The following EVI5 variants were observed in gnomAD, a reference collection of about 807,000 sequenced individuals.
EVI5 encodes the protein ecotropic viral integration site 5 protein homolog.
In EVI5, 73 loss-of-function variants were observed where a neutral mutation model predicts 112.0. That is an observed-to-expected ratio of 0.65 (90% CI 0.54 to 0.79). The LOEUF is 0.79. Among genes scored for constraint, EVI5 ranks in the 30% least tolerant of loss-of-function variants. The pLI is 0.00. For missense variants in EVI5, 900 were observed against 968.8 expected, an observed-to-expected ratio of 0.93 and a Z score of 0.94; for synonymous variants, 305 against 319.9, an observed-to-expected ratio of 0.95 and a Z score of 0.50.
At chr1:92,521,107 G>A (rs577639260) in intron 19 of EVI5, among the ~76,000 whole-genome samples, 26 of 151,746 alleles carry the variant, frequency 1.7e-4, no homozygotes, top group Non-Finnish European at 3.5e-4. Context: ...GACTACAGGC[G>A]TGGGCCACCA....
chr1:92,736,520 A>G lies in EVI5; in HGVS notation c.27T>C (p.Ser9=), dbSNP rs758568701. Residue 9 remains serine, a synonymous_variant, in exon 2 of 20, where the codon TCT becomes TCC. Coordinates refer to ENST00000684568, the MANE Select transcript of EVI5 (RefSeq NM_001350197.2). ...ATGAGGATGTGGTATGTAATGAAGTAGATGGACTTGCCACCTGACTGGCCA... is the reference window on the plus strand; with the variant it reads ...ATGAGGATGTGGTATGTAATGAAGTGGATGGACTTGCCACCTGACTGGCCA... MASQVASP[S]TSLHTTSSST... The G allele has an allele frequency of 1.2e-6, 2 of 1,613,918 alleles. No individual in the cohort carries two copies. Among genetic ancestry groups the G allele is most frequent in the Non-Finnish European group, 1.7e-6 (2 of 1,179,792 alleles).
At chr1:92,758,107 C>T (rs146271909) in intron 1 of EVI5, among the ~76,000 whole-genome samples, 17 of 152,060 alleles carry the variant, frequency 1.1e-4, no homozygotes, top group Admixed American at 1.1e-3. Context: ...GATATACATA[C>T]AATATAATAC....
chr1:92,774,936 G>A (rs1385226572), intron 1 of EVI5, among the ~76,000 whole-genome samples: 3 of 152,184 alleles, frequency 2.0e-5, no homozygotes, highest in Admixed American at 6.5e-5. Flanking sequence ...AACTTAGGGG[G>A]TCACAATCAA....
intron 2 of EVI5, among the ~76,000 whole-genome samples, chr1:92,724,273 T>C (rs1427721175): frequency 6.6e-6 from 1 of 152,044 alleles, no homozygotes; most frequent in African/African-American, 2.4e-5. Flanking sequence ...GTAAAATTTA[T>C]CTCTTTGTAC....
At chr1:92,772,620 C>T (rs754779542) in intron 1 of EVI5, among the ~76,000 whole-genome samples, 10 of 150,444 alleles carry the variant, frequency 6.6e-5, no homozygotes, top group Non-Finnish European at 1.2e-4. Flanking sequence ...AACTTCATAG[C>T]GGCTGGGTGC....
chr1:92,542,656 T>G (rs1665017668), intron 19 of EVI5, among the ~76,000 whole-genome samples: 1 of 152,222 alleles, frequency 6.6e-6, no homozygotes, highest in Non-Finnish European at 1.5e-5. Flanking sequence ...CTGCTTCACC[T>G]TGTACTTTTA....
chr1:92,663,601 A>G (rs1168459012), intron 11 of EVI5, 149 bp from the exon 12 acceptor site: 1 of 401,012 alleles, frequency 2.5e-6, no homozygotes, highest in Non-Finnish European at 4.4e-6. Flanking sequence ...TTTTTACTGA[A>G]TGTTTTTATT....
At chr1:92,742,511 A>G (rs1011626236) in intron 1 of EVI5, among the ~76,000 whole-genome samples, 3 of 151,850 alleles carry the variant, frequency 2.0e-5, no homozygotes, top group Non-Finnish European at 4.4e-5. Flanking sequence ...CATCTCTACT[A>G]AAAATACAAA....
intron 13 of EVI5, among the ~76,000 whole-genome samples, chr1:92,638,156 AG>A (rs1659265192): frequency 6.6e-6 from 1 of 152,164 alleles, no homozygotes; most frequent in Non-Finnish European, 1.5e-5. Flanking sequence ...AAGATCCCCA[AG>A]AAAACATCAA....
intron 1 of EVI5, among the ~76,000 whole-genome samples, chr1:92,762,249 T>C (rs1168133206): frequency 6.6e-6 from 1 of 152,228 alleles, no homozygotes; most frequent in East Asian, 1.9e-4. Context: ...TGATCCTTCC[T>C]GCCTTACAGC....
chr1:92,589,183 CG>C (rs1425206382), intron 18 of EVI5, among the ~76,000 whole-genome samples: 1 of 152,160 alleles, frequency 6.6e-6, no homozygotes, highest in Non-Finnish European at 1.5e-5. Context: ...CAGCTCCCAG[CG>C]TGAGTGATGC....
intron 14 of EVI5, among the ~76,000 whole-genome samples, chr1:92,633,895 C>G (rs1055140577): frequency 4.6e-5 from 7 of 152,070 alleles, no homozygotes; most frequent in South Asian, 2.1e-4. Flanking sequence ...AAATCTCTCA[C>G]CATTTGCTTG....
intron 19 of EVI5, among the ~76,000 whole-genome samples, chr1:92,540,249 T>C (rs1410622310): frequency 1.3e-5 from 2 of 152,256 alleles, no homozygotes; most frequent in African/African-American, 4.8e-5. Flanking sequence ...GTTTACCATT[T>C]GAGGACCTGC....
intron 13 of EVI5, among the ~76,000 whole-genome samples, chr1:92,658,841 C>A (rs565634721): frequency 2.0e-5 from 3 of 152,124 alleles, no homozygotes; most frequent in African/African-American, 7.2e-5. Flanking sequence ...TACTACAAGG[C>A]TATAGTAACC....
intron 16 of EVI5, chr1:92,622,378 C>T (rs991606177): frequency 7.3e-6 from 3 of 411,850 alleles, no homozygotes; most frequent in South Asian, 3.5e-5. Context: ...AACACAAAAA[C>T]GGTAAGAACC....
chr1:92,750,916 C>T (rs1402566027), intron 1 of EVI5, among the ~76,000 whole-genome samples: 14 of 152,060 alleles, frequency 9.2e-5, no homozygotes, highest in African/African-American at 2.4e-4. Flanking sequence ...TTTGGGAGGC[C>T]GAGGCGGGCG....
intron 9 of EVI5, among the ~76,000 whole-genome samples, chr1:92,685,944 T>C (rs1668450276): frequency 6.6e-6 from 1 of 152,072 alleles, no homozygotes; most frequent in Non-Finnish European, 1.5e-5. Flanking sequence ...ACCTGATGGA[T>C]TCACAGTCAA....
At chr1:92,635,616 C>A (rs1658639115) in intron 14 of EVI5, among the ~76,000 whole-genome samples, 1 of 152,178 alleles carries the variant, frequency 6.6e-6, no homozygotes, top group African/African-American at 2.4e-5. Context: ...TTCCTGACCC[C>A]TTGCGCTTCG....
At position 92,757,011 on chromosome 1, in the gene EVI5, G is replaced by C. The variant is rs564205560; in HGVS notation, c.-81-20384C>G. The C allele has an allele frequency of 7.1e-5, 14 of 197,052 alleles. No individual in the cohort carries two copies. In the South Asian group the frequency reaches 1.3e-3, roughly 18 times the overall value. 12.2% of individuals were successfully genotyped at this position (197,052 alleles called of 1,614,324 possible). On this transcript the variant is annotated intron_variant, in intron 1 of 19. Transcript: ENST00000684568. ...GACTGCTCTGTGACTTGAAGCTCTG[G>C]GTAAGCTTTTTGTAAACTTCCATTC...
Sources: gnomAD v4.1 joint callset for allele counts (sites outside exome capture counted in the v4.1 genomes callset) on GRCh38, gnomAD v4.1.1 for gene constraint, MANE v1.5 for transcripts, NCBI Gene and HGNC (gene_info 2026-07-23, HGNC 2026-07-21) for gene names.